The following CMYA5 variants were observed in gnomAD, a reference collection of about 807,000 sequenced individuals.
The protein encoded by CMYA5 is cardiomyopathy associated 5.
Under a neutral mutation model 318.9 loss-of-function variants are expected in CMYA5, and 246 were observed. The observed-to-expected ratio is 0.77, with a 90% CI of 0.70 to 0.86. CMYA5 has a LOEUF of 0.86. Among genes scored for constraint, CMYA5 ranks in the 40% least tolerant of loss-of-function variants. The pLI is 0.00. For missense variants in CMYA5, 4,589 were observed against 4,678.2 expected, an observed-to-expected ratio of 0.98 and a Z score of 0.56; for synonymous variants, 1,641 against 1,729.5, an observed-to-expected ratio of 0.95 and a Z score of 1.27.
intron 12 of CMYA5, among the ~76,000 whole-genome samples, chr5:79,798,459 A>G (rs969839492): frequency 1.3e-5 from 2 of 152,096 alleles, no homozygotes; most frequent in Non-Finnish European, 2.9e-5. Flanking sequence ...ACTTTTTTAC[A>G]TAGAGCAATT....
intron 9 of CMYA5, among the ~76,000 whole-genome samples, chr5:79,775,728 C>T (rs146759308): frequency 2.1e-3 from 312 of 152,188 alleles, no homozygotes; most frequent in African/African-American, 7.4e-3. Context: ...TTTACAAAAG[C>T]TGCAAAAACG....
intron 9 of CMYA5, among the ~76,000 whole-genome samples, chr5:79,771,481 C>T (rs1164868440): frequency 2.0e-5 from 3 of 152,284 alleles, no homozygotes; most frequent in South Asian, 2.1e-4. Flanking sequence ...TAATGGCATC[C>T]GTCCCCAGTT....
Position 79,734,226 on chromosome 5 carries a change from CAA to C in CMYA5, c.5467_5468del (p.Lys1823AspfsTer12). On this transcript the variant is annotated frameshift_variant, in exon 2 of 13. Coordinates refer to ENST00000446378, the MANE Select transcript of CMYA5 (RefSeq NM_153610.5). LOFTEE classifies it high-confidence loss of function. ...KIAPSDLLVE[Q>X]KKTEKALHSD... ...TGCTCCTTCTGACCTCCTTGTAGAA[CAA>C]AAAAAGACAGAAAAAGCACTTCATT... 1 of 1,613,036 alleles carries C rather than the reference CAA, an allele frequency of 6.2e-7. No individual in the cohort carries two copies. The highest frequency in any genetic ancestry group is 8.5e-7 in the Non-Finnish European group (1 of 1,179,550).
chr5:79,733,429 A>G lies in CMYA5; in HGVS notation c.4664A>G (p.Lys1555Arg). 1 of 1,613,854 alleles carries G rather than the reference A, an allele frequency of 6.2e-7. No individual in the cohort carries two copies. Among genetic ancestry groups the G allele is most frequent in the Non-Finnish European group, 8.5e-7 (1 of 1,179,846 alleles). The change falls in exon 2 of 13, where the codon AAA becomes AGA. Residue 1555 changes from lysine (K) to arginine (R), a missense_variant. Physicochemically the swap from Lys to Arg is conservative, Grantham distance 26. Coordinates refer to ENST00000446378, the MANE Select transcript of CMYA5 (RefSeq NM_153610.5). ...PSSQNVSPAS[K>R]HIIPKGKDEE... ...TCACAAAATGTGTCACCTGCATCCA[A>G]ACATATAATCCCAAAAGGCAAAGAT...
At chr5:79,784,713 G>A (rs1233214569) in intron 9 of CMYA5, among the ~76,000 whole-genome samples, 4 of 139,810 alleles carry the variant, frequency 2.9e-5, no homozygotes, top group African/African-American at 8.4e-5. Context: ...TCTTTGACTC[G>A]GAAAGGGAAC....
At chr5:79,702,478 C>G (rs1485058201) in intron 1 of CMYA5, among the ~76,000 whole-genome samples, 1 of 152,032 alleles carries the variant, frequency 6.6e-6, no homozygotes, top group African/African-American at 2.4e-5. Flanking sequence ...AAACTTTATG[C>G]TAAGTAAAAT....
intron 11 of CMYA5, among the ~76,000 whole-genome samples, chr5:79,791,536 C>T (rs1032737175): frequency 1.3e-5 from 2 of 152,062 alleles, no homozygotes; most frequent in African/African-American, 4.8e-5. Context: ...GCCTGGCCAA[C>T]ATGGTGAGAC....
chr5:79,792,030 G>A (rs1829189905), intron 11 of CMYA5, among the ~76,000 whole-genome samples: 1 of 152,214 alleles, frequency 6.6e-6, no homozygotes, highest in South Asian at 2.1e-4. Flanking sequence ...TCCCAAGAAG[G>A]CACTGAGCCA....
At position 79,742,048 on chromosome 5, in the gene CMYA5, CTCTTCTTCTTCTTCTTCTTCT is replaced by C. The variant is rs200715392; in HGVS notation, c.10639-1747_10639-1727del. ...TTCCTCCTCCTCCTCCCTCTTTCTC[CTCTTCTTCTTCTTCTTCTTCT>C]TCTTCTTCTTCTTCTTCTTCTTCTT... is the stretch of plus-strand genomic sequence containing the variant. On this transcript the variant is annotated intron_variant, in intron 2 of 12. Coordinates refer to ENST00000446378, the MANE Select transcript of CMYA5 (RefSeq NM_153610.5). 9.7e-4 allele frequency among the ~76,000 whole-genome samples: 99 copies of C among 102,522 alleles called. 1 individual carries two copies. The highest frequency in any genetic ancestry group is 3.1e-3 in the African/African-American group (62 of 20,090). 67.3% of individuals were successfully genotyped at this position (102,522 alleles called of 152,430 possible).
chr5:79,752,688 A>C lies in CMYA5; in HGVS notation c.11004A>C (p.Ala3668=), dbSNP rs750975406. Residue 3668 remains alanine, a synonymous_variant, in exon 6 of 13, where the codon GCA becomes GCC. Transcript: ENST00000446378. ...TATTCCCCGATAGGTTGCTTTCTGC[A>C]ATGGAGAGCACTGCTTCTTTAGAGA... ...FEEINERLLS[A]MESTASLEKM... is the part of the protein sequence containing the mutation. The C allele has an allele frequency of 1.2e-6, 2 of 1,612,524 alleles. No individual in the cohort carries two copies. The highest frequency in any genetic ancestry group is 1.7e-6 in the Non-Finnish European group (2 of 1,178,910).
At chr5:79,695,933 A>C (rs182405512) in intron 1 of CMYA5, among the ~76,000 whole-genome samples, 2 of 152,248 alleles carry the variant, frequency 1.3e-5, no homozygotes, top group African/African-American at 4.8e-5. Context: ...CTTTGTCTAA[A>C]CTTTCTTGTT....
At chr5:79,728,276 A>G (rs1461252838) in intron 1 of CMYA5, among the ~76,000 whole-genome samples, 1 of 152,138 alleles carries the variant, frequency 6.6e-6, no homozygotes, top group Non-Finnish European at 1.5e-5. Flanking sequence ...ACACTTGGAA[A>G]GAATGTCAGA....
Position 79,731,859 on chromosome 5 carries a change from G to A in CMYA5, c.3094G>A (p.Ala1032Thr). 1.2e-6 allele frequency: 2 copies of A among 1,613,560 alleles called. No individual in the cohort carries two copies. The highest frequency in any genetic ancestry group is 1.7e-6 in the Non-Finnish European group (2 of 1,179,772). ...EPDSLLTAVS[A>T]SGYSCFSEAD... Reference sequence around the variant, plus strand: ...TGATTCACTATTAACTGCAGTGTCTGCTTCAGGTTATTCCTGCTTTTCAGA... The same window carrying A: ...TGATTCACTATTAACTGCAGTGTCTACTTCAGGTTATTCCTGCTTTTCAGA... Residue 1032 changes from alanine (A) to threonine (T), a missense_variant, in exon 2 of 13, where the codon GCT becomes ACT. Ala to Thr is a moderately conservative substitution (Grantham distance 58). Coordinates refer to ENST00000446378, the MANE Select transcript of CMYA5 (RefSeq NM_153610.5).
At chr5:79,707,131 A>G (rs1827290044) in intron 1 of CMYA5, among the ~76,000 whole-genome samples, 1 of 152,174 alleles carries the variant, frequency 6.6e-6, no homozygotes, top group Admixed American at 6.5e-5. Flanking sequence ...CTTTCTAGTT[A>G]GTATTTGAAT....
chr5:79,721,467 G>T (rs1030242557), intron 1 of CMYA5, among the ~76,000 whole-genome samples: 1 of 152,116 alleles, frequency 6.6e-6, no homozygotes, highest in Non-Finnish European at 1.5e-5. Context: ...TGAACTAAAT[G>T]CTCTATTTAA....
At chr5:79,784,784 G>A (rs895357118) in intron 9 of CMYA5, among the ~76,000 whole-genome samples, 8 of 148,370 alleles carry the variant, frequency 5.4e-5, no homozygotes, top group Admixed American at 2.0e-4. Flanking sequence ...GCTCGCTCAC[G>A]GTGCGCGCAC....
intron 12 of CMYA5, 76 bp downstream of exon 12, chr5:79,793,686 T>A: frequency 7.5e-7 from 1 of 1,338,878 alleles, no homozygotes; most frequent in African/African-American, 1.4e-5. Flanking sequence ...CTGAGGGACC[T>A]GATAAATAGC....
chr5:79,793,423 G>C lies in CMYA5; in HGVS notation c.11790-14G>C. ...TTCCTGCACTGAGCATACTCTGATTGACTTCACCCACAGAATCCCGTCAGT... is the reference window on the plus strand; with the variant it reads ...TTCCTGCACTGAGCATACTCTGATTCACTTCACCCACAGAATCCCGTCAGT... On this transcript the variant is annotated splice_polypyrimidine_tract_variant and intron_variant, in intron 11 of 12. Coordinates refer to ENST00000446378, the MANE Select transcript of CMYA5 (RefSeq NM_153610.5). 1 of 1,606,208 alleles carries C rather than the reference G, an allele frequency of 6.2e-7. No homozygotes were observed. The highest frequency in any genetic ancestry group is 8.5e-7 in the Non-Finnish European group (1 of 1,173,972).
Position 79,691,428 on chromosome 5 carries a change from A to G in CMYA5, c.149+1372A>G, listed in dbSNP as rs12659108. On this transcript the variant is annotated intron_variant, in intron 1 of 12. Coordinates refer to ENST00000446378, the MANE Select transcript of CMYA5 (RefSeq NM_153610.5). The stretch of plus-strand genomic sequence containing the variant: ...TACACTAAAATGTGAGCAGCTGACC[A>G]TTCACTCTGGGGTTGCATTGCCATT... Among the ~76,000 whole-genome samples the G allele has an allele frequency of 4.3e-3, 654 of 152,346 alleles. 9 individuals carry two copies. Among genetic ancestry groups the G allele is most frequent in the East Asian group, 0.032 (167 of 5,188 alleles).
Sources: allele counts gnomAD v4.1 joint callset (sites outside exome capture counted in the v4.1 genomes callset), GRCh38; gene constraint gnomAD v4.1.1; transcripts MANE v1.5; gene names NCBI Gene and HGNC (gene_info 2026-07-23, HGNC 2026-07-21).